The following FAM20A variants were observed in gnomAD, a reference collection of about 807,000 sequenced individuals.
FAM20A encodes the protein pseudokinase FAM20A.
A neutral mutation model predicts 52.0 loss-of-function variants in FAM20A; 42 were observed. That is an observed-to-expected ratio of 0.81 (90% CI 0.63 to 1.04). FAM20A has a LOEUF of 1.04. Among genes scored for constraint, FAM20A ranks in the 50% least tolerant of loss-of-function variants. The pLI, the probability that FAM20A is intolerant of heterozygous loss-of-function variation, is 0.00. For synonymous variants in FAM20A, 304 were observed against 298.9 expected (o/e 1.02, Z -0.18); for missense variants, 742 against 712.7 (o/e 1.04, Z -0.47).
chr17:68,551,237 A>C, intron 4 of FAM20A: 2 of 824,718 alleles, frequency 2.4e-6, no homozygotes, highest in East Asian at 6.7e-5. Flanking sequence ...ATATTATTTC[A>C]CTCATCTCTA....
At chr17:68,551,828 G>A in intron 4 of FAM20A, 45 bp downstream of exon 4, 1 of 1,417,186 alleles carries the variant, frequency 7.1e-7, no homozygotes, top group Non-Finnish European at 9.8e-7. Flanking sequence ...AATCTTCCCA[G>A]GGCCACCCCA....
At chr17:68,552,751 G>A (rs2086901093) in intron 3 of FAM20A, among the ~76,000 whole-genome samples, 1 of 92,576 alleles carries the variant, frequency 1.1e-5, no homozygotes, top group Non-Finnish European at 2.2e-5. Context: ...GCGCAATCTC[G>A]GCTCACTGCA....
At position 68,600,732 on chromosome 17, in the gene FAM20A, G is replaced by A; in HGVS notation, c.-66C>T. ...TCTCCGGGGTCCCGGGAGGGGTCGCGGGGTGCGGGCAGAAGAGGTGCCTGG... is the reference window on the plus strand; with the variant it reads ...TCTCCGGGGTCCCGGGAGGGGTCGCAGGGTGCGGGCAGAAGAGGTGCCTGG... On this transcript the variant is annotated 5_prime_UTR_variant, in exon 1 of 11. Transcript: ENST00000592554. This position sits in a 1 kb window ranked among gnomAD's most constrained non-coding sequence, Gnocchi z 6.2. 1 of 1,498,828 alleles carries A rather than the reference G, an allele frequency of 6.7e-7. No individual in the cohort carries two copies. The highest frequency in any genetic ancestry group is 1.3e-5 in the South Asian group (1 of 79,206). The allele number at this position is 1,498,828 out of a possible 1,614,324, so 92.8% of individuals were successfully genotyped here.
At chr17:68,575,194 T>C (rs1037766548) in intron 1 of FAM20A, 1 of 151,074 alleles carries the variant, frequency 6.6e-6, no homozygotes, top group African/African-American at 2.4e-5. Context: ...TGTAAGACAA[T>C]AAATTTATGT....
At chr17:68,554,569 C>T (rs1057446109) in intron 3 of FAM20A, among the ~76,000 whole-genome samples, 9 of 152,338 alleles carry the variant, frequency 5.9e-5, no homozygotes, top group Middle Eastern at 3.4e-3. Context: ...TCCTGGGCCA[C>T]GCATTGCCCA....
chr17:68,568,689 G>A (rs954422113), intron 1 of FAM20A, among the ~76,000 whole-genome samples: 1 of 151,572 alleles, frequency 6.6e-6, no homozygotes, highest in Non-Finnish European at 1.5e-5. Flanking sequence ...GCCACATCAT[G>A]CTAATCTCTG....
rs905377532 is a variant in FAM20A at position 68,600,177 on chromosome 17, CG to C, written c.404+85del. 2 of 1,466,610 alleles carry C rather than the reference CG, an allele frequency of 1.4e-6. No homozygotes were observed. The highest frequency in any genetic ancestry group is 1.8e-6 in the Non-Finnish European group (2 of 1,093,790). 90.8% of individuals were successfully genotyped at this position (1,466,610 alleles called of 1,614,324 possible). A position where few individuals can be genotyped will look rare whatever the true frequency, so the allele number is the denominator to read the frequency against. On this transcript the variant is annotated intron_variant, in intron 1 of 10. Transcript: ENST00000592554. The surrounding 1 kb of genome is among the most constrained non-coding windows in gnomAD (Gnocchi z 6.2). ...GGGTGGAGCCGCTGCAGCCCTGGGC[CG>C]GGGGCGTCAGGAAACTCGAGACTGG...
chr17:68,546,037 C>CAG (rs1415753008), intron 4 of FAM20A, among the ~76,000 whole-genome samples: 1 of 151,090 alleles, frequency 6.6e-6, no homozygotes, highest in East Asian at 1.9e-4. Context: ...GGCATGGTGG[C>CAG]GCATGCCTGT....
intron 1 of FAM20A, among the ~76,000 whole-genome samples, chr17:68,594,894 C>T (rs1453403629): frequency 1.3e-5 from 2 of 152,170 alleles, no homozygotes; most frequent in African/African-American, 4.8e-5. Flanking sequence ...TCTCCATATC[C>T]CAAGGGTAAC....
In FAM20A at chr17:68,600,447, T is replaced by C. The variant is rs956184299; in HGVS notation, c.220A>G (p.Thr74Ala). ...CCAGCCGGTTCAGTCCGGGGCTCGG[T>C]TCGGGAAAAGTTGTGCACGATCGTG... ...PGTIVHNFSR[T>A]EPRTEPAGGS... Residue 74 changes from threonine (T) to alanine (A), a missense_variant, in exon 1 of 11, where the codon ACC becomes GCC. Physicochemically the swap from Thr to Ala is moderately conservative, Grantham distance 58. Coordinates refer to ENST00000592554, the MANE Select transcript of FAM20A (RefSeq NM_017565.4). This position sits in a 1 kb window ranked among gnomAD's most constrained non-coding sequence, Gnocchi z 6.2. The C allele has an allele frequency of 1.4e-5, 22 of 1,610,774 alleles. No individual in the cohort carries two copies. The highest frequency in any genetic ancestry group is 1.7e-5 in the Non-Finnish European group (20 of 1,178,890).
intron 1 of FAM20A, among the ~76,000 whole-genome samples, chr17:68,560,892 C>T (rs2087194927): frequency 6.6e-6 from 1 of 152,214 alleles, no homozygotes; most frequent in Non-Finnish European, 1.5e-5. Context: ...AATGGTATCA[C>T]AGTGCATTTT....
At chr17:68,546,826 G>T (rs2086593379) in intron 4 of FAM20A, among the ~76,000 whole-genome samples, 1 of 116,232 alleles carries the variant, frequency 8.6e-6, no homozygotes, top group Admixed American at 9.8e-5. Context: ...CGAGACTACG[G>T]CTCAAAAAAA....
chr17:68,601,249 CTG>C lies in FAM20A; in HGVS notation c.-585_-584del, dbSNP rs916432940. 3.3e-5 allele frequency: 5 copies of C among 152,246 alleles called. No homozygotes were observed. The highest frequency in any genetic ancestry group is 1.2e-4 in the African/African-American group (5 of 41,450). The allele number at this position is 152,246 out of a possible 1,614,324, so 9.4% of individuals were successfully genotyped here. On this transcript the variant is annotated 5_prime_UTR_variant, in exon 1 of 11. Coordinates refer to ENST00000592554, the MANE Select transcript of FAM20A (RefSeq NM_017565.4). ...GCAGGAGCGGCTCCGGGGAGCTTGT[CTG>C]TGCGCCTGGACTCCTAGAGGCAGAG...
Position 68,556,469 on chromosome 17 carries a change from A to T in FAM20A, c.405-726T>A, listed in dbSNP as rs58484996. Among the ~76,000 whole-genome samples, 89 of 152,092 alleles carry T rather than the reference A, an allele frequency of 5.9e-4. No homozygotes were observed. The Middle Eastern group carries it at 0.01, about 17-fold the overall frequency. On this transcript the variant is annotated intron_variant, in intron 1 of 10. Transcript: ENST00000592554. ...GCTAAACATGTGGCTCAGATGGAAA[A>T]GCCTTAACATTTTGGAGAAGGGAAA...
At chr17:68,545,149 A>T (rs553504788) in intron 4 of FAM20A, among the ~76,000 whole-genome samples, 15 of 152,370 alleles carry the variant, frequency 9.8e-5, no homozygotes, top group Non-Finnish European at 1.9e-4. Flanking sequence ...GATACATTTT[A>T]AAATGATAGT....
chr17:68,583,663 T>C (rs927466332), intron 1 of FAM20A, among the ~76,000 whole-genome samples: 4 of 152,210 alleles, frequency 2.6e-5, no homozygotes, highest in Non-Finnish European at 5.9e-5. Context: ...ATGCCTGTAA[T>C]TGCAGCACTT....
intron 1 of FAM20A, among the ~76,000 whole-genome samples, chr17:68,595,434 T>C (rs548833400): frequency 6.6e-6 from 1 of 152,312 alleles, no homozygotes; most frequent in South Asian, 2.1e-4. Flanking sequence ...CTTTTGATTC[T>C]GAGAGGAGTG....
Position 68,578,769 on chromosome 17 carries a change from G to A in FAM20A, c.404+21494C>T, listed in dbSNP as rs147550056. 9.1e-3 allele frequency among the ~76,000 whole-genome samples: 1,351 copies of A among 148,226 alleles called. 98 individuals carry two copies. In the South Asian group the frequency reaches 0.15, roughly 17 times the overall value. Reference sequence around the variant, plus strand: ...AGCACTTTGGGAGGCCGAGGCAGGCGGATCACAAGGTCAAGAGATCGAGAC... The same window carrying A: ...AGCACTTTGGGAGGCCGAGGCAGGCAGATCACAAGGTCAAGAGATCGAGAC... On this transcript the variant is annotated intron_variant, in intron 1 of 10. Transcript: ENST00000592554.
intron 1 of FAM20A, among the ~76,000 whole-genome samples, chr17:68,572,031 TA>T (rs2087576979): frequency 8.1e-6 from 1 of 122,908 alleles, no homozygotes; most frequent in East Asian, 2.6e-4. Flanking sequence ...TATATATATA[TA>T]TATATATATG....
Sources: gnomAD v4.1 joint callset for allele counts (sites outside exome capture counted in the v4.1 genomes callset) on GRCh38, gnomAD v4.1.1 for gene constraint, Gnocchi (gnomAD v3.1) non-coding constraint, MANE v1.5 for transcripts, NCBI Gene and HGNC (gene_info 2026-07-23, HGNC 2026-07-21) for gene names.